The following KCNAB2 variants were observed in gnomAD, a reference collection of about 807,000 sequenced individuals.
KCNAB2 encodes potassium voltage-gated channel subfamily A regulatory beta subunit 2, also known as voltage-gated potassium channel subunit beta-2.
Under a neutral mutation model 63.6 loss-of-function variants are expected in KCNAB2, and 29 were observed. The ratio of observed to expected loss-of-function variants is 0.46; its 90% CI spans 0.34 to 0.62. The LOEUF (loss-of-function observed/expected upper bound fraction) is 0.62, where lower values mean the gene tolerates loss of function less well. Ranked by LOEUF, KCNAB2 falls within the 20% of genes least tolerant of loss-of-function variation. The probability of loss-of-function intolerance (pLI) is 0.01; values close to 1 mark genes in which losing one functional copy is unlikely to be tolerated. For synonymous variants in KCNAB2, 222 were observed against 224.2 expected (o/e 0.99, Z 0.09); for missense variants, 359 against 563.9 (o/e 0.64, Z 3.68).
chr1:6,024,795 G>C lies in KCNAB2; in HGVS notation c.-52-15722G>C, dbSNP rs913688063. Among the ~76,000 whole-genome samples, 38 of 152,206 alleles carry C rather than the reference G, an allele frequency of 2.5e-4. No individual in the cohort carries two copies. The highest frequency in any genetic ancestry group is 9.2e-4 in the African/African-American group (38 of 41,444). On this transcript the variant is annotated intron_variant, in intron 1 of 16. Transcript: ENST00000341524. The surrounding 1 kb of genome is among the most constrained non-coding windows in gnomAD (Gnocchi z 5.4). ...AGCCAGAGTTCCATGGGGGGCTCCA[G>C]GGCAGGAGGTCAAGGTATGTGTGAG...
At chr1:6,080,970 C>T (rs767809899) in intron 4 of KCNAB2, among the ~76,000 whole-genome samples, 19 of 152,142 alleles carry the variant, frequency 1.2e-4, no homozygotes, top group Non-Finnish European at 2.2e-4. Flanking sequence ...TGAGCCGCAC[C>T]TGGGGAAGCG....
chr1:6,015,505 G>A (rs543012834), intron 1 of KCNAB2, among the ~76,000 whole-genome samples: 3 of 152,348 alleles, frequency 2.0e-5, no homozygotes, highest in African/African-American at 4.8e-5. Flanking sequence ...GGACTGGCCC[G>A]AAATGCCTAA....
At chr1:5,996,279 A>G (rs1427881515) in intron 1 of KCNAB2, among the ~76,000 whole-genome samples, 1 of 152,120 alleles carries the variant, frequency 6.6e-6, no homozygotes, top group Non-Finnish European at 1.5e-5. Context: ...TCCCTGTCTC[A>G]TGGGCCTGAG....
In KCNAB2 at chr1:6,098,674, C is replaced by T; in HGVS notation, c.*100C>T. On this transcript the variant is annotated 3_prime_UTR_variant, in exon 16 of 16. Transcript: ENST00000378083. ...GCCAAGTGAAGAGTGTGGTTTGCAT[C>T]CAAGAGAAAACACCACACTGTGATG... 1 of 1,435,762 alleles carries T rather than the reference C, an allele frequency of 7.0e-7. No homozygotes were observed. The allele number at this position is 1,435,762 out of a possible 1,614,324, so 88.9% of individuals were successfully genotyped here.
chr1:6,065,226 G>A (rs1033734949), intron 2 of KCNAB2, among the ~76,000 whole-genome samples: 2 of 152,210 alleles, frequency 1.3e-5, no homozygotes, highest in Admixed American at 6.5e-5. Flanking sequence ...CATCCAGCCC[G>A]CAGAGTCCAC....
chr1:6,005,963 T>TC (rs1262370184), intron 1 of KCNAB2, among the ~76,000 whole-genome samples: 1 of 6,140 alleles, frequency 1.6e-4, no homozygotes, highest in Admixed American at 1.2e-3. Flanking sequence ...CTCCTACATT[T>TC]CCCACTCCAC....
In KCNAB2 at chr1:6,024,354, G is replaced by C. The variant is rs1317111565; in HGVS notation, c.-52-16163G>C. Among the ~76,000 whole-genome samples the C allele has an allele frequency of 6.6e-6, 1 of 152,134 alleles. No homozygotes were observed. The highest frequency in any genetic ancestry group is 2.4e-5 in the African/African-American group (1 of 41,418). The stretch of plus-strand genomic sequence containing the variant: ...TCCCACCCTGGCCTCCAAAGTGCTG[G>C]GTTACAGGTGTGAGCCACCGCACCC... On this transcript the variant is annotated intron_variant, in intron 1 of 16. Coordinates refer to the KCNAB2 transcript ENST00000341524. This position sits in a 1 kb window ranked among gnomAD's most constrained non-coding sequence, Gnocchi z 5.4.
chr1:5,997,261 G>A (rs950541823), intron 1 of KCNAB2, among the ~76,000 whole-genome samples: 2 of 152,184 alleles, frequency 1.3e-5, no homozygotes, highest in Non-Finnish European at 2.9e-5. Flanking sequence ...GTGGTTTCCT[G>A]GGACCTCTTG....
In KCNAB2 at chr1:6,051,599, G is replaced by A; in HGVS notation, c.63G>A (p.Trp21Ter). ...RSVSSRCHSE[W>*]ALHPVRQTDT... Reference sequence around the variant, plus strand: ...TGAGCAGCAGGTGCCACTCTGAATGGGCCCTGCACCCCGTCCGCCAGACGG... The same window carrying A: ...TGAGCAGCAGGTGCCACTCTGAATGAGCCCTGCACCCCGTCCGCCAGACGG... The change falls in exon 2 of 16, where the codon TGG (tryptophan) becomes TGA (stop). Residue 21 changes from tryptophan to a stop codon, truncating the protein, a stop_gained. Transcript: ENST00000378083. LOFTEE classifies it high-confidence loss of function. 6.5e-7 allele frequency: 1 copy of A among 1,534,884 alleles called. No homozygotes were observed. The highest frequency in any genetic ancestry group is 1.2e-5 in the South Asian group (1 of 83,964).
At chr1:6,065,440 G>A (rs368275953) in intron 2 of KCNAB2, among the ~76,000 whole-genome samples, 5 of 152,222 alleles carry the variant, frequency 3.3e-5, no homozygotes, top group Non-Finnish European at 5.9e-5. Context: ...CCCACAGCGC[G>A]CAGAGCCAGG....
At chr1:6,062,298 G>GA (rs796870932) in intron 2 of KCNAB2, among the ~76,000 whole-genome samples, 178 of 112,712 alleles carry the variant, frequency 1.6e-3, no homozygotes, top group Non-Finnish European at 2.3e-3. Flanking sequence ...TGGGCAACAA[G>GA]AAAAAAAAAA....
At chr1:6,040,669 G>A (rs368235462) in intron 2 of KCNAB2, 1 of 1,478,070 alleles carries the variant, frequency 6.8e-7, no homozygotes, top group Non-Finnish European at 9.5e-7. Flanking sequence ...CCCTCACCCA[G>A]GCCCCCTCCC....
chr1:6,014,372 G>A (rs550943079), intron 1 of KCNAB2, among the ~76,000 whole-genome samples: 2 of 152,350 alleles, frequency 1.3e-5, no homozygotes, highest in South Asian at 2.1e-4. Flanking sequence ...CAGAGGCCAC[G>A]CAGCACCACG....
chr1:5,995,653 G>A (rs1229202179), intron 1 of KCNAB2, among the ~76,000 whole-genome samples: 2 of 152,230 alleles, frequency 1.3e-5, no homozygotes, highest in Non-Finnish European at 2.9e-5. Flanking sequence ...AGTTAGAGAA[G>A]AGTGAGGGCA....
chr1:6,013,156 T>G (rs1658291516), intron 1 of KCNAB2, among the ~76,000 whole-genome samples: 1 of 152,130 alleles, frequency 6.6e-6, no homozygotes, highest in Non-Finnish European at 1.5e-5. Flanking sequence ...CTGAGACACC[T>G]TCGTGCGTTC....
At chr1:6,088,904 C>A in intron 7 of KCNAB2, 104 bp from the exon 8 acceptor site, 1 of 1,109,852 alleles carries the variant, frequency 9.0e-7, no homozygotes, top group Non-Finnish European at 1.3e-6. Context: ...ACGGCATTTG[C>A]TGACCCTGTT....
chr1:6,061,261 T>C (rs895328664), intron 2 of KCNAB2, among the ~76,000 whole-genome samples: 1 of 152,136 alleles, frequency 6.6e-6, no homozygotes, highest in African/African-American at 2.4e-5. Flanking sequence ...GAACCAGAAA[T>C]GGGTTGTAGG....
intron 1 of KCNAB2, among the ~76,000 whole-genome samples, chr1:6,011,660 G>C (rs552352683): frequency 2.2e-3 from 332 of 152,382 alleles, no homozygotes; most frequent in African/African-American, 7.3e-3. Context: ...AAGATCTGCT[G>C]TTGAGAAATA....
At chr1:6,056,696 G>A (rs1031214835) in intron 2 of KCNAB2, among the ~76,000 whole-genome samples, 3 of 152,134 alleles carry the variant, frequency 2.0e-5, no homozygotes, top group Non-Finnish European at 4.4e-5. Context: ...TCTCCCTCCC[G>A]CTCAGGAGGC....
Sources: allele counts gnomAD v4.1 joint callset (sites outside exome capture counted in the v4.1 genomes callset), GRCh38; gene constraint gnomAD v4.1.1; non-coding constraint Gnocchi (gnomAD v3.1); transcripts MANE v1.5; gene names NCBI Gene and HGNC (gene_info 2026-07-23, HGNC 2026-07-21).